Variants in SCFD1 observed in about 807,000 individuals in gnomAD.
The protein encoded by SCFD1 is sec1 family domain containing 1.
A neutral mutation model predicts 103.2 loss-of-function variants in SCFD1; 37 were observed. That is an observed-to-expected ratio of 0.36 (90% CI 0.28 to 0.47). The LOEUF (loss-of-function observed/expected upper bound fraction) is 0.47. SCFD1 is among the 20% of genes least tolerant of loss of function. SCFD1 has a pLI of 1.00. For synonymous variants in SCFD1, 264 were observed against 245.0 expected, an observed-to-expected ratio of 1.08 and a Z score of -0.73; for missense variants, 639 against 761.2, an observed-to-expected ratio of 0.84 and a Z score of 1.89.
At chr14:30,625,591 C>A (rs1178834254) in intron 1 of SCFD1, among the ~76,000 whole-genome samples, 2 of 75,824 alleles carry the variant, frequency 2.6e-5, no homozygotes, top group Non-Finnish European at 4.4e-5. Flanking sequence ...ATTAACAAAT[C>A]CTTTTTGTTA....
intron 17 of SCFD1, among the ~76,000 whole-genome samples, chr14:30,704,887 C>T (rs141245077): frequency 2.1e-4 from 32 of 152,220 alleles, no homozygotes; most frequent in African/African-American, 7.5e-4. Context: ...GTTAAATAGG[C>T]ATATGTCCTA....
intron 14 of SCFD1, among the ~76,000 whole-genome samples, chr14:30,681,399 A>G (rs1418261739): frequency 6.6e-6 from 1 of 152,114 alleles, no homozygotes; most frequent in Non-Finnish European, 1.5e-5. Flanking sequence ...TGCCATCTAT[A>G]AAGATCATTT....
At chr14:30,640,316 T>C (rs1885142951) in intron 6 of SCFD1, among the ~76,000 whole-genome samples, 1 of 152,198 alleles carries the variant, frequency 6.6e-6, no homozygotes, top group Admixed American at 6.5e-5. Flanking sequence ...CATCTGTTCT[T>C]GTGGAAATTC....
At chr14:30,673,134 C>T (rs1888705303) in intron 11 of SCFD1, 123 bp from the exon 12 acceptor site, 1 of 460,816 alleles carries the variant, frequency 2.2e-6, no homozygotes, top group East Asian at 3.4e-5. Context: ...TTATATATAA[C>T]ATATATTCAA....
At chr14:30,641,376 G>A (rs1023011039) in intron 6 of SCFD1, among the ~76,000 whole-genome samples, 1 of 152,096 alleles carries the variant, frequency 6.6e-6, no homozygotes, top group African/African-American at 2.4e-5. Context: ...TTATTGATTA[G>A]CAGTTTATGA....
At chr14:30,711,419 G>A (rs1458660338) in intron 19 of SCFD1, among the ~76,000 whole-genome samples, 1 of 152,166 alleles carries the variant, frequency 6.6e-6, no homozygotes, top group Non-Finnish European at 1.5e-5. Flanking sequence ...ACCAGCCTGG[G>A]CAACATGGCA....
chr14:30,705,884 G>C lies in SCFD1; in HGVS notation c.1552G>C (p.Gly518Arg). The change falls in exon 18 of 25, where the codon GGT becomes CGT. Residue 518 changes from glycine (G) to arginine (R), a missense_variant and splice_region_variant. Coordinates refer to ENST00000458591, the MANE Select transcript of SCFD1 (RefSeq NM_016106.4). ...TGGCAGCACTACCACTAAACCAATG[G>C]GGTAAGTATTTTTAATAATTCTTTT... ...SYGSTTTKPM[G>R]LLSRVMNTGS... 6.2e-7 allele frequency: 1 copy of C among 1,610,570 alleles called. No homozygotes were observed. Among genetic ancestry groups the C allele is most frequent in the African/African-American group, 1.3e-5 (1 of 74,886 alleles).
chr14:30,703,304 A>C (rs1372640360), intron 17 of SCFD1, among the ~76,000 whole-genome samples: 1 of 149,046 alleles, frequency 6.7e-6, no homozygotes, highest in Non-Finnish European at 1.5e-5. Context: ...GATCAGGGAA[A>C]GCATCTAGTA....
intron 19 of SCFD1, among the ~76,000 whole-genome samples, chr14:30,712,001 A>G (rs1000599186): frequency 6.6e-6 from 1 of 150,544 alleles, no homozygotes; most frequent in African/African-American, 2.4e-5. Context: ...TGAACACGAG[A>G]TGATTTTTAA....
In SCFD1 at chr14:30,735,793, A is replaced by C; in HGVS notation, c.*184A>C. The C allele has an allele frequency of 2.2e-6, 1 of 463,284 alleles. No individual in the cohort carries two copies. The highest frequency in any genetic ancestry group is 3.9e-6 in the Non-Finnish European group (1 of 259,482). 28.7% of individuals were successfully genotyped at this position (463,284 alleles called of 1,614,324 possible). ...TATTGATTAAAAGAAACATTTCAGA[A>C]ATAAAATTTCAACATTGTTCATTTT... is the stretch of plus-strand genomic sequence containing the variant. On this transcript the variant is annotated 3_prime_UTR_variant, in exon 25 of 25. Coordinates refer to ENST00000458591, the MANE Select transcript of SCFD1 (RefSeq NM_016106.4).
At chr14:30,705,254 A>G (rs1001529447) in intron 17 of SCFD1, among the ~76,000 whole-genome samples, 2 of 152,210 alleles carry the variant, frequency 1.3e-5, no homozygotes, top group African/African-American at 4.8e-5. Flanking sequence ...TACAGTTTCT[A>G]TTGAAGAAGG....
intron 17 of SCFD1, among the ~76,000 whole-genome samples, chr14:30,703,638 CAAG>C (rs35610651): frequency 0.037 from 5,515 of 150,018 alleles, 314 homozygotes; most frequent in African/African-American, 0.12. Context: ...AAAAGCATAA[CAAG>C]AGAATTACAC....
intron 1 of SCFD1, 178 bp downstream of exon 1, chr14:30,622,577 C>T (rs1882956978): frequency 9.0e-7 from 1 of 1,107,398 alleles, no homozygotes; most frequent in East Asian, 2.7e-5. Context: ...GGACTCGGTT[C>T]CTCCTGTGGT....
chr14:30,658,091 G>T, intron 10 of SCFD1: 1 of 455,532 alleles, frequency 2.2e-6, no homozygotes, highest in South Asian at 1.5e-5. Context: ...AGGAGAGGTG[G>T]ATTTGATTGT....
chr14:30,673,733 T>C (rs1888762716), intron 12 of SCFD1, among the ~76,000 whole-genome samples, 191 bp from the exon 13 acceptor site: 1 of 152,192 alleles, frequency 6.6e-6, no homozygotes, highest in African/African-American at 2.4e-5. Context: ...TGGCGATTAC[T>C]AGAACTTTTA....
Position 30,622,966 on chromosome 14 carries a change from T to G in SCFD1, c.61+567T>G, listed in dbSNP as rs114614050. On this transcript the variant is annotated intron_variant, in intron 1 of 24. Coordinates refer to ENST00000458591, the MANE Select transcript of SCFD1 (RefSeq NM_016106.4). Reference sequence around the variant, plus strand: ...GAATTAATAGCTTTCTCATTTTAATTGTTTGACACATTGTTTTAAAATAAT... The same window carrying G: ...GAATTAATAGCTTTCTCATTTTAATGGTTTGACACATTGTTTTAAAATAAT... Among the ~76,000 whole-genome samples the G allele has an allele frequency of 4.3e-3, 660 of 152,350 alleles. 8 individuals carry two copies. Among genetic ancestry groups the G allele is most frequent in the African/African-American group, 0.015 (630 of 41,588 alleles).
intron 15 of SCFD1, among the ~76,000 whole-genome samples, chr14:30,699,735 A>G (rs949578988): frequency 2.6e-5 from 4 of 152,202 alleles, no homozygotes; most frequent in African/African-American, 9.7e-5. Context: ...TTAGCCAGCA[A>G]AGTCTCATAA....
chr14:30,636,708 GAATTTCCA>G (rs1884758858), intron 4 of SCFD1, among the ~76,000 whole-genome samples: 1 of 151,790 alleles, frequency 6.6e-6, no homozygotes, highest in Non-Finnish European at 1.5e-5. Context: ...GGCTTTTCTT[GAATTTCCA>G]AATTACGATT....
intron 23 of SCFD1, among the ~76,000 whole-genome samples, chr14:30,734,202 AAT>A (rs1319773147): frequency 6.6e-6 from 1 of 152,214 alleles, no homozygotes; most frequent in Non-Finnish European, 1.5e-5. Flanking sequence ...AAATCTCATG[AAT>A]TTACCTTCAG....
Sources: gnomAD v4.1 joint callset for allele counts (sites outside exome capture counted in the v4.1 genomes callset) on GRCh38, gnomAD v4.1.1 for gene constraint, MANE v1.5 for transcripts, NCBI Gene and HGNC (gene_info 2026-07-23, HGNC 2026-07-21) for gene names.